BCORL1: variants seen among roughly 807,000 people sequenced by gnomAD.
BCORL1 encodes the protein BCL-6 corepressor-like protein 1.
In BCORL1, 7 loss-of-function variants were observed where a neutral mutation model predicts 87.6. The observed-to-expected ratio is 0.08, with a 90% CI of 0.05 to 0.15. The LOEUF (loss-of-function observed/expected upper bound fraction) is 0.15. Among genes scored for constraint, BCORL1 ranks in the 10% least tolerant of loss-of-function variants. The pLI, the probability that BCORL1 is intolerant of heterozygous loss-of-function variation, is 1.00. For synonymous variants in BCORL1, 591 were observed against 634.4 expected, an observed-to-expected ratio of 0.93 and a Z score of 1.03; for missense variants, 1,215 against 1,499.7, an observed-to-expected ratio of 0.81 and a Z score of 3.13.
intron 4 of BCORL1, among the ~76,000 whole-genome samples, chrX:130,019,258 G>T (rs1338036013): frequency 1.8e-5 from 2 of 112,228 alleles, no homozygotes; most frequent in Non-Finnish European, 3.8e-5. Flanking sequence ...GAGCCACCGC[G>T]CCCTGCTAGA....
At chrX:130,001,598 G>C (rs769343445) in intron 1 of BCORL1, among the ~76,000 whole-genome samples, 5 of 111,327 alleles carry the variant, frequency 4.5e-5, no homozygotes, top group Non-Finnish European at 9.4e-5. Context: ...TGAGTCTTGA[G>C]AGAAGACAGG....
At chrX:130,043,767 TATATATATA>T (rs1297624613) in intron 11 of BCORL1, among the ~76,000 whole-genome samples, 1 of 18,334 alleles carries the variant, frequency 5.5e-5, no homozygotes, top group African/African-American at 3.9e-4. Context: ...TATATATATA[TATATATATA>T]TATATATATT....
At chrX:130,000,084 C>T (rs746738968) in intron 1 of BCORL1, among the ~76,000 whole-genome samples, 2 of 110,941 alleles carry the variant, frequency 1.8e-5, no homozygotes, top group Non-Finnish European at 3.8e-5. Flanking sequence ...ATTTTGCTGT[C>T]GCCCAGGCTG....
chrX:129,991,613 A>T (rs1430914420), intron 1 of BCORL1, among the ~76,000 whole-genome samples: 1 of 100,921 alleles, frequency 9.9e-6, no homozygotes, highest in Non-Finnish European at 2.0e-5. Flanking sequence ...AAGTGCTGGG[A>T]TTACAGGTGT....
chrX:130,056,068 G>A lies in BCORL1; in HGVS notation c.5290G>A (p.Val1764Met). ...PPGSSETVELVRYEPDLLRLL... is the reference protein window; with the variant it reads ...PPGSSETVELMRYEPDLLRLL... The stretch of plus-strand genomic sequence containing the variant: ...AGGCTCCTCTGAGACTGTGGAGCTG[G>A]TGCGGTACGAGCCAGACCTACTTCG... Residue 1764 changes from valine (V) to methionine (M), a missense_variant, in exon 14 of 14, where the codon GTG becomes ATG. By Grantham distance (21) the Val-to-Met change is conservative (BLOSUM62 1). This residue lies in a region of BCORL1 where 129 missense variants were observed against 157.5 expected (regional missense o/e 0.82). Coordinates refer to ENST00000540052, the MANE Select transcript of BCORL1 (RefSeq NM_001379451.1). 1 of 1,209,990 alleles carries A rather than the reference G, an allele frequency of 8.3e-7. No individual in the cohort carries two copies. Among genetic ancestry groups the A allele is most frequent in the South Asian group, 1.8e-5 (1 of 56,842 alleles).
At chrX:129,996,362 C>T (rs759319512) in intron 1 of BCORL1, among the ~76,000 whole-genome samples, 13 of 111,563 alleles carry the variant, frequency 1.2e-4, no homozygotes, top group Admixed American at 2.9e-4. Context: ...GGTCACCAGG[C>T]AGTATGAACC....
At chrX:130,011,603 C>CT (rs1449784610) in intron 2 of BCORL1, among the ~76,000 whole-genome samples, 538 of 35,506 alleles carry the variant, frequency 0.015, 4 homozygotes, top group African/African-American at 0.11. Context: ...CACCCTCTCC[C>CT]TTTTTTTTTT....
intron 10 of BCORL1, 80 bp from the exon 11 acceptor site, chrX:130,039,057 C>A: frequency 9.0e-7 from 1 of 1,109,532 alleles, no homozygotes; most frequent in South Asian, 2.0e-5. Context: ...CAGTTTTTTC[C>A]CCTGATGCAG....
intron 4 of BCORL1, among the ~76,000 whole-genome samples, chrX:130,019,238 T>A (rs1032025819): frequency 8.9e-6 from 1 of 112,443 alleles, no homozygotes; most frequent in African/African-American, 3.2e-5. Flanking sequence ...GGTGCTGGGA[T>A]TACAGGCTTG....
chrX:129,992,305 C>T lies in BCORL1; in HGVS notation c.-45+9543C>T, dbSNP rs184274565. Among the ~76,000 whole-genome samples, 3 of 110,658 alleles carry T rather than the reference C, an allele frequency of 2.7e-5. No individual in the cohort carries two copies. In the Admixed American group the frequency reaches 2.9e-4, roughly 11 times the overall value. On this transcript the variant is annotated intron_variant, in intron 1 of 13. Transcript: ENST00000540052. ...TACAAAAATTACCTGGGCTTGGTGGCGCCAGGTGTGGTGGCATGTGTCTAT... is the reference window on the plus strand; with the variant it reads ...TACAAAAATTACCTGGGCTTGGTGGTGCCAGGTGTGGTGGCATGTGTCTAT...
At position 130,025,396 on chromosome X, in the gene BCORL1, G is replaced by T. The variant is rs754428107; in HGVS notation, c.4078+17G>T. ...GGAGAGCAGGTAAGGCTGGCCAGGG[G>T]CTCTGCTGTCGCCGCGGCCCGTTTG... On this transcript the variant is annotated intron_variant, in intron 7 of 13. Transcript: ENST00000540052. 1.5e-5 allele frequency: 17 copies of T among 1,132,440 alleles called. 2 individuals are homozygous for T. In the African/African-American group the frequency reaches 2.0e-4, roughly 13 times the overall value. 93.3% of individuals were successfully genotyped at this position (1,132,440 alleles called of 1,213,427 possible). A position where few individuals can be genotyped will look rare whatever the true frequency, so the allele number is the denominator to read the frequency against.
intron 2 of BCORL1, chrX:130,010,601 C>T (rs1417812077): frequency 9.0e-6 from 1 of 111,129 alleles, no homozygotes; most frequent in Non-Finnish European, 1.9e-5. Context: ...CTTCTGGATC[C>T]CTGAAAAGAT....
At chrX:130,032,877 T>C (rs1183102632) in intron 8 of BCORL1, among the ~76,000 whole-genome samples, 3 of 109,235 alleles carry the variant, frequency 2.7e-5, no homozygotes, top group Non-Finnish European at 5.7e-5. Context: ...TTCTCCTGCC[T>C]CAGCCTTTCG....
At chrX:130,037,273 C>T in intron 9 of BCORL1, 94 bp from the exon 10 acceptor site, 5 of 916,273 alleles carry the variant, frequency 5.5e-6, no homozygotes, top group Non-Finnish European at 6.4e-6. Flanking sequence ...GGCTCTGAGA[C>T]TCCTCAGATA....
At chrX:130,018,304 G>A (rs971291723) in intron 4 of BCORL1, among the ~76,000 whole-genome samples, 1 of 112,039 alleles carries the variant, frequency 8.9e-6, no homozygotes, top group Non-Finnish European at 1.9e-5. Context: ...GGTTGCCTAG[G>A]GTTGGGGAGG....
chrX:130,020,889 G>T (rs1435048061), intron 4 of BCORL1, 96 bp from the exon 5 acceptor site: 13 of 966,788 alleles, frequency 1.3e-5, no homozygotes, highest in East Asian at 3.7e-5. Context: ...GGCAGCTCAT[G>T]CCTCTAGGTC....
In BCORL1 at chrX:130,015,719, A is replaced by C; in HGVS notation, c.2947A>C (p.Lys983Gln). Residue 983 changes from lysine (K) to glutamine (Q), a missense_variant, in exon 4 of 14, where the codon AAG becomes CAG. Lys to Gln is a moderately conservative substitution (Grantham distance 53, BLOSUM62 1). Around this residue, in one of 5 missense-constraint regions of BCORL1, gnomAD observed 861 missense variants for 1,010.0 expected, o/e 0.85. Transcript: ENST00000540052. Reference sequence around the variant, plus strand: ...GAAGCTGGCAGGAGACACGAAGCCTAAGAACCAAGTGCTGGCCACCTACAT... The same window carrying C: ...GAAGCTGGCAGGAGACACGAAGCCTCAGAACCAAGTGCTGGCCACCTACAT... ...GLKLAGDTKP[K>Q]NQVLATYMSH... 1 of 1,211,987 alleles carries C rather than the reference A, an allele frequency of 8.3e-7. No homozygotes were observed. The highest frequency in any genetic ancestry group is 1.1e-6 in the Non-Finnish European group (1 of 895,533).
intron 9 of BCORL1, among the ~76,000 whole-genome samples, chrX:130,036,386 G>C (rs1054730074): frequency 4.5e-5 from 5 of 110,616 alleles, no homozygotes; most frequent in African/African-American, 1.6e-4. Context: ...TCAGCCTCCT[G>C]AGTGGCTGGG....
intron 1 of BCORL1, among the ~76,000 whole-genome samples, chrX:130,001,877 G>A (rs1377218922): frequency 1.8e-5 from 2 of 110,504 alleles, no homozygotes; most frequent in African/African-American, 3.3e-5. Context: ...TGACATGATC[G>A]AACTGGCGCT....
Sources: allele counts gnomAD v4.1 joint callset (sites outside exome capture counted in the v4.1 genomes callset), GRCh38; gene constraint gnomAD v4.1.1; regional missense constraint gnomAD v4.1.1; transcripts MANE v1.5; gene names NCBI Gene and HGNC (gene_info 2026-07-23, HGNC 2026-07-21).